The following ACACA variants were observed in gnomAD, a reference collection of about 807,000 sequenced individuals.
The protein encoded by ACACA is acetyl-CoA carboxylase alpha.
Under a neutral mutation model 296.1 loss-of-function variants are expected in ACACA, and 103 were observed. That is an observed-to-expected ratio of 0.35 (90% CI 0.30 to 0.41). The LOEUF (loss-of-function observed/expected upper bound fraction) is 0.41, where lower values mean the gene tolerates loss of function less well. Among genes scored for constraint, ACACA ranks in the 10% least tolerant of loss-of-function variants. The pLI is 1.00. For synonymous variants in ACACA, 953 were observed against 1,038.6 expected (o/e 0.92, Z 1.58); for missense variants, 1,554 against 2,989.7 (o/e 0.52, Z 11.20).
At chr17:37,253,160 G>T in intron 14 of ACACA, 124 bp from the exon 15 acceptor site, 1 of 1,349,206 alleles carries the variant, frequency 7.4e-7, no homozygotes, top group Non-Finnish European at 1.0e-6. Context: ...GGGAGGCCAA[G>T]ACAAGGCGGA....
At chr17:37,184,526 T>A (rs937388187) in intron 39 of ACACA, among the ~76,000 whole-genome samples, 1 of 152,186 alleles carries the variant, frequency 6.6e-6, no homozygotes, top group African/African-American at 2.4e-5. Flanking sequence ...TATAAACATT[T>A]TGATAAATGA....
intron 15 of ACACA, 90 bp from the exon 16 acceptor site, chr17:37,252,198 GA>G (rs1474520249): frequency 3.0e-6 from 3 of 990,968 alleles, no homozygotes; most frequent in Non-Finnish European, 4.8e-6. Context: ...TTGTTGTGAT[GA>G]AACAGCTAGC....
At chr17:37,255,903 C>T (rs1274202869) in intron 14 of ACACA, among the ~76,000 whole-genome samples, 1 of 151,968 alleles carries the variant, frequency 6.6e-6, no homozygotes, top group African/African-American at 2.4e-5. Flanking sequence ...GTTGCCACCA[C>T]ACCTGGCTAA....
intron 41 of ACACA, among the ~76,000 whole-genome samples, chr17:37,175,711 G>A (rs376822250): frequency 5.3e-5 from 8 of 152,150 alleles, no homozygotes; most frequent in Admixed American, 3.3e-4. Context: ...TGCAAGTAAC[G>A]TAGTTCACAG....
intron 40 of ACACA, among the ~76,000 whole-genome samples, chr17:37,180,836 G>T (rs2077291021): frequency 6.6e-6 from 1 of 152,096 alleles, no homozygotes; most frequent in African/African-American, 2.4e-5. Flanking sequence ...TGGAAAATGA[G>T]AACTAAAGTA....
rs2145035725 is a variant in ACACA, at chr17:37,188,382, C to A, written c.4671G>T (p.Thr1557=). 5.0e-6 allele frequency: 8 copies of A among 1,614,048 alleles called. No homozygotes were observed. The highest frequency in any genetic ancestry group is 6.8e-6 in the Non-Finnish European group (8 of 1,179,994). ...QAELKINIRL[T]PTGKAIPIRL... ...GGATGGGAATTGCTTTTCCAGTTGGCGTCAGGCGAATGTTGATTTTCAGTT... is the reference window on the plus strand; with the variant it reads ...GGATGGGAATTGCTTTTCCAGTTGGAGTCAGGCGAATGTTGATTTTCAGTT... Residue 1557 remains threonine, a synonymous_variant, in exon 39 of 56, where the codon ACG becomes ACT. Coordinates refer to ENST00000616317, the MANE Select transcript of ACACA (RefSeq NM_198834.3).
intron 3 of ACACA, among the ~76,000 whole-genome samples, chr17:37,316,046 G>A (rs915494641): frequency 4.6e-5 from 7 of 151,972 alleles, no homozygotes; most frequent in African/African-American, 1.2e-4. Flanking sequence ...GATACTTACC[G>A]GTCAAGAAAT....
chr17:37,364,580 G>GAA (rs974554206), intron 1 of ACACA, among the ~76,000 whole-genome samples: 1 of 109,452 alleles, frequency 9.1e-6, no homozygotes, highest in Non-Finnish European at 1.6e-5. Flanking sequence ...GACAGAGAGA[G>GAA]ACTCCGTCTC....
intron 50 of ACACA, among the ~76,000 whole-genome samples, chr17:37,116,609 A>G (rs1027817030): frequency 2.6e-5 from 4 of 152,136 alleles, no homozygotes; most frequent in African/African-American, 9.7e-5. Flanking sequence ...AACTTGGAAC[A>G]CCTATAGACC....
intron 43 of ACACA, 62 bp from the exon 44 acceptor site, chr17:37,151,483 G>T: frequency 6.3e-7 from 1 of 1,599,698 alleles, no homozygotes; most frequent in Admixed American, 1.7e-5. Flanking sequence ...GCCATTAAAA[G>T]AATAATCACC....
chr17:37,295,866 A>G (rs2083301712), intron 3 of ACACA, among the ~76,000 whole-genome samples: 1 of 152,164 alleles, frequency 6.6e-6, no homozygotes, highest in South Asian at 2.1e-4. Context: ...CAAAGGTTTC[A>G]ATGAGCCAAG....
chr17:37,267,233 T>C (rs2081824685), intron 10 of ACACA, among the ~76,000 whole-genome samples: 1 of 152,194 alleles, frequency 6.6e-6, no homozygotes, highest in Non-Finnish European at 1.5e-5. Context: ...CCTGGAGTAA[T>C]TCATGCAGCT....
At chr17:37,088,098 G>T (rs2072343318) in intron 55 of ACACA, among the ~76,000 whole-genome samples, 1 of 152,216 alleles carries the variant, frequency 6.6e-6, no homozygotes, top group Non-Finnish European at 1.5e-5. Context: ...GCCCTGTGAA[G>T]GTTCTGGCCA....
intron 15 of ACACA, 86 bp from the exon 16 acceptor site, chr17:37,252,194 T>C: frequency 9.5e-7 from 1 of 1,047,942 alleles, no homozygotes; most frequent in Non-Finnish European, 1.5e-6. Flanking sequence ...AAATTTGTTG[T>C]GATGAAACAG....
chr17:37,139,032 G>A (rs1404477352), intron 45 of ACACA, among the ~76,000 whole-genome samples: 3 of 152,128 alleles, frequency 2.0e-5, no homozygotes, highest in Admixed American at 6.6e-5. Flanking sequence ...GCTGGGGTTG[G>A]GGGAGAAGAA....
rs1250211994 is a variant in ACACA at position 37,262,424 on chromosome 17, T to A, written c.1329+1261A>T. Among the ~76,000 whole-genome samples the A allele has an allele frequency of 2.6e-5, 4 of 152,314 alleles. No individual in the cohort carries two copies. The South Asian group carries it at 6.2e-4, about 24-fold the overall frequency. ...CATAATCTTGTGTGAGTTAGCTTAATCATGAAGATGACAATGTCCAAGAGC... is the reference window on the plus strand; with the variant it reads ...CATAATCTTGTGTGAGTTAGCTTAAACATGAAGATGACAATGTCCAAGAGC... On this transcript the variant is annotated intron_variant, in intron 11 of 55. Coordinates refer to ENST00000616317, the MANE Select transcript of ACACA (RefSeq NM_198834.3).
intron 52 of ACACA, among the ~76,000 whole-genome samples, chr17:37,098,988 C>T (rs1202186444): frequency 1.3e-5 from 2 of 152,144 alleles, no homozygotes; most frequent in Non-Finnish European, 2.9e-5. Context: ...AGGTGACAGC[C>T]CCTGGTGTTA....
At chr17:37,247,224 T>G (rs1182235899) in intron 18 of ACACA, among the ~76,000 whole-genome samples, 1 of 152,322 alleles carries the variant, frequency 6.6e-6, no homozygotes. Flanking sequence ...GGTACCACCA[T>G]TTAAAAAAAC....
At chr17:37,234,866 A>G in intron 25 of ACACA, 109 bp downstream of exon 25, 1 of 1,269,160 alleles carries the variant, frequency 7.9e-7, no homozygotes, top group Non-Finnish European at 1.1e-6. Flanking sequence ...TTCATCCCAT[A>G]ATTATAAAAG....
Sources: allele counts gnomAD v4.1 joint callset (sites outside exome capture counted in the v4.1 genomes callset), GRCh38; gene constraint gnomAD v4.1.1; transcripts MANE v1.5; gene names NCBI Gene and HGNC (gene_info 2026-07-23, HGNC 2026-07-21).